The following PDE1C variants were observed in gnomAD, a reference collection of about 807,000 sequenced individuals.
PDE1C encodes the protein phosphodiesterase 1C.
In PDE1C, 62 loss-of-function variants were observed where a neutral mutation model predicts 93.1. The ratio of observed to expected loss-of-function variants is 0.67; its 90% CI spans 0.54 to 0.82. The LOEUF (loss-of-function observed/expected upper bound fraction) is 0.82. Ranked by LOEUF, PDE1C falls within the 40% of genes least tolerant of loss-of-function variation. PDE1C has a pLI of 0.00. For synonymous variants in PDE1C, 325 were observed against 310.1 expected (o/e 1.05, Z -0.50); for missense variants, 742 against 884.6 (o/e 0.84, Z 2.04).
At chr7:32,237,533 C>T (rs868852441) in intron 1 of PDE1C, among the ~76,000 whole-genome samples, 4 of 151,504 alleles carry the variant, frequency 2.6e-5, no homozygotes, top group Admixed American at 6.6e-5. Flanking sequence ...TTAAAACTTA[C>T]TGAACTGTAT....
At chr7:32,319,309 T>C (rs215626) in intron 1 of PDE1C, among the ~76,000 whole-genome samples, 114,027 of 152,152 alleles carry the variant, frequency 0.75, 44,709 homozygotes, top group Non-Finnish European at 0.86. Flanking sequence ...CCTTCCACCC[T>C]GCCCCTGCCC....
chr7:31,672,388 C>A, the PDE1C span, among the ~76,000 whole-genome samples: 1 of 152,044 alleles, frequency 6.6e-6, no homozygotes, highest in South Asian at 2.1e-4. Flanking sequence ...AAAATATCAC[C>A]TCTCAATATA....
chr7:32,385,087 A>G (rs1784598533), intron 1 of PDE1C, among the ~76,000 whole-genome samples: 1 of 152,218 alleles, frequency 6.6e-6, no homozygotes, highest in Non-Finnish European at 1.5e-5. Flanking sequence ...TGGGGATGAA[A>G]AGGCAGGGAT....
intron 16 of PDE1C, among the ~76,000 whole-genome samples, chr7:31,782,986 G>C (rs896028874): frequency 6.6e-6 from 1 of 152,106 alleles, no homozygotes; most frequent in East Asian, 1.9e-4. Flanking sequence ...ATGCATTTTC[G>C]ACTTACAGTT....
At chr7:31,831,243 A>G (rs1790345377) in intron 11 of PDE1C, among the ~76,000 whole-genome samples, 1 of 152,210 alleles carries the variant, frequency 6.6e-6, no homozygotes, top group African/African-American at 2.4e-5. Context: ...GATTTAAGAT[A>G]GCATAGTAAA....
At chr7:31,876,256 G>A (rs1233988104) in intron 5 of PDE1C, among the ~76,000 whole-genome samples, 1 of 152,150 alleles carries the variant, frequency 6.6e-6, no homozygotes, top group African/African-American at 2.4e-5. Flanking sequence ...CAGCTTTAAT[G>A]CACATATCAA....
chr7:32,280,658 T>C (rs1811569494), intron 1 of PDE1C, among the ~76,000 whole-genome samples: 1 of 152,064 alleles, frequency 6.6e-6, no homozygotes, highest in Non-Finnish European at 1.5e-5. Context: ...TATCAAAAAG[T>C]CTAAAAATTT....
the PDE1C span, among the ~76,000 whole-genome samples, chr7:31,644,433 G>T: frequency 6.6e-6 from 1 of 152,212 alleles, no homozygotes; most frequent in Non-Finnish European, 1.5e-5. Context: ...ACTCAGCCCA[G>T]CATGTGGCAC....
intron 16 of PDE1C, chr7:31,808,322 G>A (rs1787112274): frequency 4.9e-5 from 16 of 325,534 alleles, no homozygotes; most frequent in South Asian, 4.3e-4. Flanking sequence ...GTCTGTGTAT[G>A]AGGGGATAAC....
intron 1 of PDE1C, among the ~76,000 whole-genome samples, chr7:32,331,773 A>G (rs986724805): frequency 6.6e-6 from 1 of 152,210 alleles, no homozygotes; most frequent in African/African-American, 2.4e-5. Context: ...ATAACTCCCA[A>G]GTTTGGGACT....
At chr7:32,065,798 T>C (rs2128718805) in intron 1 of PDE1C, among the ~76,000 whole-genome samples, 1 of 152,322 alleles carries the variant, frequency 6.6e-6, no homozygotes, top group East Asian at 1.9e-4. Flanking sequence ...GCTGTGTAGG[T>C]TGGAAGAGTC....
At position 32,110,146 on chromosome 7, in the gene PDE1C, A is replaced by G. The variant is rs139837158; in HGVS notation, c.308+59639T>C. ...TTGTAAATAACATTTTTTGGAATCCAACCATGGGAATGGTCTGTGGTGGCT... is the reference window on the plus strand; with the variant it reads ...TTGTAAATAACATTTTTTGGAATCCGACCATGGGAATGGTCTGTGGTGGCT... On this transcript the variant is annotated intron_variant, in intron 3 of 18. Transcript: ENST00000396193. Among the ~76,000 whole-genome samples, 874 of 152,262 alleles carry G rather than the reference A, an allele frequency of 5.7e-3. 7 individuals carry two copies. The highest frequency in any genetic ancestry group is 0.02 in the African/African-American group (813 of 41,556).
chr7:31,890,175 A>G (rs1798452283), intron 2 of PDE1C, among the ~76,000 whole-genome samples: 1 of 152,092 alleles, frequency 6.6e-6, no homozygotes, highest in Non-Finnish European at 1.5e-5. Context: ...TTCAGAATCC[A>G]CCCCAGGCCA....
chr7:31,753,744 T>A (rs1794261747), intron 17 of PDE1C, among the ~76,000 whole-genome samples, 191 bp from the exon 18 acceptor site: 3 of 152,178 alleles, frequency 2.0e-5, no homozygotes, highest in African/African-American at 7.2e-5. Context: ...GTCATTCAGT[T>A]AAAATAAATA....
the PDE1C span, among the ~76,000 whole-genome samples, chr7:31,629,935 A>G: frequency 2.0e-5 from 3 of 152,244 alleles, no homozygotes; most frequent in African/African-American, 7.2e-5. Flanking sequence ...ATTGTAAAAT[A>G]TACAAACATG....
At chr7:32,167,816 T>C (rs1021756616) in intron 3 of PDE1C, among the ~76,000 whole-genome samples, 6 of 152,168 alleles carry the variant, frequency 3.9e-5, no homozygotes, top group Non-Finnish European at 8.8e-5. Flanking sequence ...TTAACCCTTA[T>C]TGTGGTACCA....
chr7:31,644,223 C>T, the PDE1C span, among the ~76,000 whole-genome samples: 4 of 152,204 alleles, frequency 2.6e-5, no homozygotes, highest in Non-Finnish European at 5.9e-5. Flanking sequence ...AGGGGTAGAG[C>T]CATGCATTCA....
intron 1 of PDE1C, among the ~76,000 whole-genome samples, chr7:32,380,946 A>C (rs927546081): frequency 1.3e-5 from 2 of 151,298 alleles, no homozygotes; most frequent in African/African-American, 4.9e-5. Context: ...CTAGTTTTCC[A>C]CCTCCAGTTC....
At chr7:32,409,856 T>C (rs974928042) in intron 1 of PDE1C, among the ~76,000 whole-genome samples, 1 of 151,784 alleles carries the variant, frequency 6.6e-6, no homozygotes, top group Non-Finnish European at 1.5e-5. Flanking sequence ...TATATGCATA[T>C]TTGCATATGT....
Sources: allele counts gnomAD v4.1 joint callset (sites outside exome capture counted in the v4.1 genomes callset), GRCh38; gene constraint gnomAD v4.1.1; transcripts MANE v1.5; gene names NCBI Gene and HGNC (gene_info 2026-07-23, HGNC 2026-07-21).